Variants in BCL11B observed in about 807,000 individuals in gnomAD.
BCL11B encodes BCL11 transcription factor B.
BCL11B carries 8 observed loss-of-function variants against 49.9 expected under a neutral mutation model. The ratio of observed to expected loss-of-function variants is 0.16; its 90% CI spans 0.09 to 0.29. The LOEUF is 0.29. BCL11B is among the 10% of genes least tolerant of loss of function. The probability of loss-of-function intolerance (pLI) is 1.00; values close to 1 mark genes in which losing one functional copy is unlikely to be tolerated. For missense variants in BCL11B, 1,006 were observed against 1,351.0 expected (o/e 0.74, Z 4.00); for synonymous variants, 739 against 637.4 (o/e 1.16, Z -2.40).
intron 3 of BCL11B, among the ~76,000 whole-genome samples, chr14:99,207,944 A>G (rs1450147617): frequency 6.6e-6 from 1 of 152,162 alleles, no homozygotes; most frequent in Non-Finnish European, 1.5e-5. Context: ...CAGGCCCCTG[A>G]GTCTCCATCT....
chr14:99,231,332 C>A lies in BCL11B; in HGVS notation c.640+13G>T, dbSNP rs752989424. 9 of 1,607,904 alleles carry A rather than the reference C, an allele frequency of 5.6e-6. No homozygotes were observed. In the Admixed American group the frequency reaches 1.3e-4, roughly 24 times the overall value. ...CCCGGGGGCCCGCCCCCCACCGCGGCGTCGTCTGTTACCTGACAACTGACA... is the reference window on the plus strand; with the variant it reads ...CCCGGGGGCCCGCCCCCCACCGCGGAGTCGTCTGTTACCTGACAACTGACA... On this transcript the variant is annotated intron_variant, in intron 3 of 3. Transcript: ENST00000357195. This position sits in a 1 kb window ranked among gnomAD's most constrained non-coding sequence, Gnocchi z 8.1.
At chr14:99,199,132 T>C (rs564813400) in intron 3 of BCL11B, among the ~76,000 whole-genome samples, 1 of 152,350 alleles carries the variant, frequency 6.6e-6, no homozygotes, top group African/African-American at 2.4e-5. Flanking sequence ...TACCGAATTA[T>C]TCGCTTTTCC....
At chr14:99,221,615 C>T (rs1409557654) in intron 3 of BCL11B, among the ~76,000 whole-genome samples, 1 of 152,288 alleles carries the variant, frequency 6.6e-6, no homozygotes. Flanking sequence ...AGGACAGGAG[C>T]AGGATGCCCA....
In BCL11B at chr14:99,170,309, C is replaced by T. The variant is rs1043228784; in HGVS notation, c.*3842G>A. 4 of 220,706 alleles carry T rather than the reference C, an allele frequency of 1.8e-5. No individual in the cohort carries two copies. The highest frequency in any genetic ancestry group is 5.8e-5 in the Admixed American group (1 of 17,340). 13.7% of individuals were successfully genotyped at this position (220,706 alleles called of 1,614,324 possible). Reference sequence around the variant, plus strand: ...AAGTGGCAAGGAGGAAAGAGTGCATCGAACAGAAAAGCTTCTGCATTTGGT... The same window carrying T: ...AAGTGGCAAGGAGGAAAGAGTGCATTGAACAGAAAAGCTTCTGCATTTGGT... On this transcript the variant is annotated 3_prime_UTR_variant, in exon 4 of 4. Coordinates refer to ENST00000357195, the MANE Select transcript of BCL11B (RefSeq NM_138576.4).
chr14:99,171,576 G>A lies in BCL11B; in HGVS notation c.*2575C>T, dbSNP rs980253442. 1.9e-5 allele frequency: 4 copies of A among 213,226 alleles called. No individual in the cohort carries two copies. Among genetic ancestry groups the A allele is most frequent in the Non-Finnish European group, 3.8e-5 (4 of 105,454 alleles). 13.2% of individuals were successfully genotyped at this position (213,226 alleles called of 1,614,324 possible). A position where few individuals can be genotyped will look rare whatever the true frequency, so the allele number is the denominator to read the frequency against. On this transcript the variant is annotated 3_prime_UTR_variant, in exon 4 of 4. Coordinates refer to ENST00000357195, the MANE Select transcript of BCL11B (RefSeq NM_138576.4). ...CAATATATCCATTCCAGAGGGAGGC[G>A]GGAAGAGAAAAATAAGTACAGGTCA...
rs1043598116 is a variant in BCL11B at position 99,247,711 on chromosome 14, G to A, written c.427+9760C>T. On this transcript the variant is annotated intron_variant, in intron 2 of 3. Transcript: ENST00000357195. This position sits in a 1 kb window ranked among gnomAD's most constrained non-coding sequence, Gnocchi z 4.5. ...GGATTGGACGGATGGCTTCATCTGTGCCATATCACTAGAGGCACAGCCTAG... is the reference window on the plus strand; with the variant it reads ...GGATTGGACGGATGGCTTCATCTGTACCATATCACTAGAGGCACAGCCTAG... Among the ~76,000 whole-genome samples, 142 of 152,348 alleles carry A rather than the reference G, an allele frequency of 9.3e-4. 1 individual carries two copies. The highest frequency in any genetic ancestry group is 1.4e-3 in the East Asian group (7 of 5,182).
chr14:99,175,708 C>T lies in BCL11B; in HGVS notation c.1128G>A (p.Thr376=), dbSNP rs927731763. Residue 376 remains threonine (T), a synonymous_variant, in exon 4 of 4, where the codon ACG becomes ACA. Coordinates refer to ENST00000357195, the MANE Select transcript of BCL11B (RefSeq NM_138576.4). ...RLRELAGNSS[T]PPPVSPGRGN... ...CGCGGCCCGGGGACACGGGCGGCGG[C>T]GTGGAGCTGTTGCCCGCCAGCTCGC... 38 of 1,502,886 alleles carry T rather than the reference C, an allele frequency of 2.5e-5. No homozygotes were observed. Among genetic ancestry groups the T allele is most frequent in the Non-Finnish European group, 3.3e-5 (38 of 1,141,722 alleles). 93.1% of individuals were successfully genotyped at this position (1,502,886 alleles called of 1,614,324 possible). A position where few individuals can be genotyped will look rare whatever the true frequency, so the allele number is the denominator to read the frequency against.
rs1478792186 is a variant in BCL11B at position 99,176,017 on chromosome 14, G to A, written c.819C>T (p.Ala273=). 1.0e-5 allele frequency: 16 copies of A among 1,563,462 alleles called. No homozygotes were observed. Among genetic ancestry groups the A allele is most frequent in the African/African-American group, 1.4e-5 (1 of 72,544 alleles). The change falls in exon 4 of 4, where the codon GCC becomes GCT. Residue 273 remains alanine (A), a synonymous_variant. Coordinates refer to ENST00000357195, the MANE Select transcript of BCL11B (RefSeq NM_138576.4). ...LTIPPPLGPE[A]VAQSPLMNFL... ...AATTCATGAGCGGGGACTGCGCCAC[G>A]GCCTCCGGCCCGAGCGGCGGCGGGA...
chr14:99,250,614 C>T (rs1435034048), intron 2 of BCL11B, among the ~76,000 whole-genome samples: 1 of 152,026 alleles, frequency 6.6e-6, no homozygotes, highest in African/African-American at 2.4e-5. Flanking sequence ...TGCAAATGAG[C>T]AACAACCACT....
chr14:99,261,454 C>T (rs913630918), intron 1 of BCL11B, among the ~76,000 whole-genome samples: 1 of 152,184 alleles, frequency 6.6e-6, no homozygotes, highest in Non-Finnish European at 1.5e-5. Context: ...CTCTGCACAG[C>T]CTCAGAGAGC....
At chr14:99,204,261 T>A (rs1053148040) in intron 3 of BCL11B, among the ~76,000 whole-genome samples, 1 of 152,182 alleles carries the variant, frequency 6.6e-6, no homozygotes, top group Non-Finnish European at 1.5e-5. Flanking sequence ...TGGGGAAGTC[T>A]GTGGACTCGT....
chr14:99,245,770 A>C (rs1888809257), intron 2 of BCL11B, among the ~76,000 whole-genome samples: 1 of 151,990 alleles, frequency 6.6e-6, no homozygotes, highest in South Asian at 2.1e-4. Context: ...GCCAGAGAGG[A>C]GGCGACTGGT....
chr14:99,245,218 C>T (rs1422550979), intron 2 of BCL11B, among the ~76,000 whole-genome samples: 1 of 152,142 alleles, frequency 6.6e-6, no homozygotes. Context: ...CTAGAGACTC[C>T]TAGCAAGGTG....
intron 2 of BCL11B, among the ~76,000 whole-genome samples, chr14:99,256,370 G>C (rs144299234): frequency 6.6e-6 from 1 of 152,206 alleles, no homozygotes; most frequent in Non-Finnish European, 1.5e-5. Context: ...CTCACACCAG[G>C]CCTGCTGCTA....
rs550240305 is a variant in BCL11B at position 99,171,333 on chromosome 14, G to C, written c.*2818C>G. The C allele has an allele frequency of 4.5e-6, 1 of 223,570 alleles. No homozygotes were observed. The highest frequency in any genetic ancestry group is 8.9e-6 in the Non-Finnish European group (1 of 112,096). 13.8% of individuals were successfully genotyped at this position (223,570 alleles called of 1,614,324 possible). On this transcript the variant is annotated 3_prime_UTR_variant, in exon 4 of 4. Coordinates refer to ENST00000357195, the MANE Select transcript of BCL11B (RefSeq NM_138576.4). ...ACAACCCTTTTTCTCCTGTACAATAGGACTTAACATACAAATGTGTTTTTT... is the reference window on the plus strand; with the variant it reads ...ACAACCCTTTTTCTCCTGTACAATACGACTTAACATACAAATGTGTTTTTT...
chr14:99,254,105 C>T (rs867093461), intron 2 of BCL11B, among the ~76,000 whole-genome samples: 4 of 152,342 alleles, frequency 2.6e-5, no homozygotes, highest in Middle Eastern at 3.4e-3. Flanking sequence ...ACGCCCGCTC[C>T]CTCCTCTGGG....
chr14:99,191,818 G>C (rs1338172651), intron 3 of BCL11B, among the ~76,000 whole-genome samples: 1 of 152,130 alleles, frequency 6.6e-6, no homozygotes, highest in Non-Finnish European at 1.5e-5. Flanking sequence ...TGGCTCAGCT[G>C]TGAGCCCTGC....
rs998509295 is a variant in BCL11B, at chr14:99,192,189, G to C, written c.641-15994C>G. 6.6e-6 allele frequency among the ~76,000 whole-genome samples: 1 copy of C among 152,148 alleles called. No homozygotes were observed. Among genetic ancestry groups the C allele is most frequent in the East Asian group, 1.9e-4 (1 of 5,190 alleles). The stretch of plus-strand genomic sequence containing the variant: ...GTGCTGGCTCCACTGGACGGAATGC[G>C]TGTGTTTTGCTTGGCGGCTGTTCAT... On this transcript the variant is annotated intron_variant, in intron 3 of 3. Coordinates refer to ENST00000357195, the MANE Select transcript of BCL11B (RefSeq NM_138576.4). This position sits in a 1 kb window ranked among gnomAD's most constrained non-coding sequence, Gnocchi z 4.0.
At position 99,198,205 on chromosome 14, in the gene BCL11B, G is replaced by A. The variant is rs118172798; in HGVS notation, c.641-22010C>T. ...GTCATTGCACTGTCTGATTTTCAAG[G>A]AAACTTTTCTTCTTGTGGAAACCTT... On this transcript the variant is annotated intron_variant, in intron 3 of 3. Coordinates refer to ENST00000357195, the MANE Select transcript of BCL11B (RefSeq NM_138576.4). 5.9e-3 allele frequency among the ~76,000 whole-genome samples: 897 copies of A among 152,320 alleles called. 10 individuals are homozygous for A. Among genetic ancestry groups the A allele is most frequent in the Non-Finnish European group, 7.5e-3 (507 of 68,028 alleles).
Sources: gnomAD v4.1 joint callset for allele counts (sites outside exome capture counted in the v4.1 genomes callset) on GRCh38, gnomAD v4.1.1 for gene constraint, Gnocchi (gnomAD v3.1) non-coding constraint, MANE v1.5 for transcripts, NCBI Gene and HGNC (gene_info 2026-07-23, HGNC 2026-07-21) for gene names.